Variants in RBFOX1 observed in about 807,000 individuals in gnomAD.
RBFOX1 encodes the protein RNA binding fox-1 homolog 1.
RBFOX1 carries 8 observed loss-of-function variants against 57.7 expected under a neutral mutation model. The observed-to-expected ratio is 0.14, with a 90% CI of 0.08 to 0.25. The LOEUF is 0.25. RBFOX1 is among the 10% of genes least tolerant of loss of function. The probability of loss-of-function intolerance (pLI) is 1.00; values close to 1 mark genes in which losing one functional copy is unlikely to be tolerated. For missense variants in RBFOX1, 611 were observed against 548.5 expected (o/e 1.11, Z -1.14); for synonymous variants, 326 against 222.4 (o/e 1.47, Z -4.15).
chr16:6,006,253 A>C lies in RBFOX1; in HGVS notation c.351+138918A>C, dbSNP rs560129384. ...GGGGTTGAATCTGTACTCTGGTTCC[A>C]CAGATGTGGCTGGTCAGAGGGCTGC... On this transcript the variant is annotated intron_variant, in intron 4 of 19. Transcript: ENST00000641259. Among the ~76,000 whole-genome samples, 22 of 152,216 alleles carry C rather than the reference A, an allele frequency of 1.4e-4. No homozygotes were observed. The South Asian group carries it at 4.4e-3, about 30-fold the overall frequency.
intron 4 of RBFOX1, among the ~76,000 whole-genome samples, chr16:5,899,144 CAAAA>C (rs35163906): frequency 1.1e-4 from 11 of 100,070 alleles, no homozygotes; most frequent in Admixed American, 3.4e-4. Context: ...GACCCTGTCT[CAAAA>C]AAAAAAAAAA....
chr16:5,902,988 C>T (rs914424064), intron 4 of RBFOX1, among the ~76,000 whole-genome samples: 17 of 152,096 alleles, frequency 1.1e-4, no homozygotes, highest in Admixed American at 9.2e-4. Flanking sequence ...CTAAACTCCC[C>T]CACCCTCAAC....
intron 2 of RBFOX1, among the ~76,000 whole-genome samples, chr16:6,611,693 G>A (rs1317010834): frequency 6.6e-6 from 1 of 152,128 alleles, no homozygotes; most frequent in African/African-American, 2.4e-5. Flanking sequence ...GGCTTACCTT[G>A]TCCGTGGCTT....
chr16:6,895,243 C>G (rs117928763), intron 3 of RBFOX1, among the ~76,000 whole-genome samples: 1,878 of 151,628 alleles, frequency 0.012, 21 homozygotes, highest in Non-Finnish European at 0.02. Context: ...ATGTATATCC[C>G]AAATGTATAT....
chr16:5,973,555 G>A (rs994180333), intron 4 of RBFOX1, among the ~76,000 whole-genome samples: 1 of 152,150 alleles, frequency 6.6e-6, no homozygotes. Context: ...TATTACTTTT[G>A]TTATTGTTAG....
intron 4 of RBFOX1, among the ~76,000 whole-genome samples, chr16:7,439,421 C>T (rs1567174235): frequency 6.6e-6 from 1 of 151,702 alleles, no homozygotes; most frequent in Non-Finnish European, 1.5e-5. Flanking sequence ...AAAAGGCATC[C>T]ATTCACTTTA....
chr16:7,340,885 G>C (rs533098157), intron 4 of RBFOX1, among the ~76,000 whole-genome samples: 68 of 152,252 alleles, frequency 4.5e-4, no homozygotes, highest in Non-Finnish European at 7.1e-4. Context: ...GCAGCCATCT[G>C]TCATTTTGAT....
chr16:5,510,286 G>C (rs2043536852), intron 2 of RBFOX1, among the ~76,000 whole-genome samples: 1 of 152,176 alleles, frequency 6.6e-6, no homozygotes, highest in African/African-American at 2.4e-5. Context: ...AGTTGCGTGG[G>C]GTTCAGCAGA....
chr16:6,892,780 CTCT>C (rs1567747748), intron 3 of RBFOX1, among the ~76,000 whole-genome samples: 2 of 32,002 alleles, frequency 6.2e-5, no homozygotes, highest in African/African-American at 1.7e-4. Flanking sequence ...GTCTCCCTCT[CTCT>C]CTCTCTCTCT....
intron 3 of RBFOX1, among the ~76,000 whole-genome samples, chr16:6,879,939 A>G (rs1221681091): frequency 6.6e-6 from 1 of 152,128 alleles, no homozygotes; most frequent in African/African-American, 2.4e-5. Flanking sequence ...TCATTGCATC[A>G]TTTCTTCTAT....
At chr16:7,230,784 A>G (rs563406825) in intron 4 of RBFOX1, among the ~76,000 whole-genome samples, 17 of 152,354 alleles carry the variant, frequency 1.1e-4, no homozygotes, top group Admixed American at 5.9e-4. Context: ...CTCTTCGGAC[A>G]TAAACTTTCC....
intron 1 of RBFOX1, among the ~76,000 whole-genome samples, chr16:5,300,084 C>G (rs916491281): frequency 2.0e-5 from 3 of 148,394 alleles, no homozygotes; most frequent in Non-Finnish European, 4.5e-5. Flanking sequence ...CCTTTTTTCT[C>G]TTAGTGTGTT....
At chr16:6,892,529 G>A (rs972935443) in intron 3 of RBFOX1, among the ~76,000 whole-genome samples, 5 of 152,044 alleles carry the variant, frequency 3.3e-5, no homozygotes, top group African/African-American at 1.2e-4. Flanking sequence ...AATTAGCTGC[G>A]CATGGTGGCA....
chr16:5,859,046 A>G (rs2151882782), intron 3 of RBFOX1, among the ~76,000 whole-genome samples: 1 of 152,272 alleles, frequency 6.6e-6, no homozygotes. Flanking sequence ...CTCTACTAAA[A>G]ATACAGAAAT....
At chr16:5,724,473 G>A (rs923093651) in intron 3 of RBFOX1, among the ~76,000 whole-genome samples, 2 of 152,072 alleles carry the variant, frequency 1.3e-5, no homozygotes, top group African/African-American at 4.8e-5. Context: ...TTAGAGGAGG[G>A]ACTCGGAGCC....
intron 1 of RBFOX1, chr16:6,092,979 G>T (rs960047365): frequency 1.8e-4 from 27 of 152,008 alleles, no homozygotes; most frequent in African/African-American, 6.5e-4. Context: ...TTATCACCTG[G>T]GTGACAGAAT....
intron 1 of RBFOX1, among the ~76,000 whole-genome samples, chr16:5,454,945 TCCTTC>T (rs2068569898): frequency 1.9e-5 from 1 of 53,794 alleles, no homozygotes; most frequent in East Asian, 8.4e-4. Flanking sequence ...CTTCCTTCCT[TCCTTC>T]CTTCCTTCCT....
intron 3 of RBFOX1, among the ~76,000 whole-genome samples, chr16:5,802,428 C>T (rs1373619177): frequency 6.6e-6 from 1 of 151,938 alleles, no homozygotes; most frequent in Non-Finnish European, 1.5e-5. Context: ...CTGCTGAGGT[C>T]CCTTGTATTC....
intron 2 of RBFOX1, among the ~76,000 whole-genome samples, chr16:6,447,642 A>G (rs2094510533): frequency 6.6e-6 from 1 of 152,162 alleles, no homozygotes; most frequent in South Asian, 2.1e-4. Flanking sequence ...GACAAATCAC[A>G]TATTTGTTTA....
Sources: gnomAD v4.1 joint callset for allele counts (sites outside exome capture counted in the v4.1 genomes callset) on GRCh38, gnomAD v4.1.1 for gene constraint, MANE v1.5 for transcripts, NCBI Gene and HGNC (gene_info 2026-07-23, HGNC 2026-07-21) for gene names.